GALNTL6: variants seen among roughly 807,000 people sequenced by gnomAD.
The protein encoded by GALNTL6 is polypeptide N-acetylgalactosaminyltransferase like 6.
In GALNTL6, 46 loss-of-function variants were observed where a neutral mutation model predicts 73.7. The observed-to-expected ratio is 0.62, with a 90% confidence interval of 0.49 to 0.80. The LOEUF is 0.80. Ranked by LOEUF, GALNTL6 falls within the 30% of genes least tolerant of loss-of-function variation. The pLI is 0.00. For missense variants in GALNTL6, 604 were observed against 755.0 expected, an observed-to-expected ratio of 0.80 and a Z score of 2.34; for synonymous variants, 259 against 263.7, an observed-to-expected ratio of 0.98 and a Z score of 0.17.
intron 10 of GALNTL6, among the ~76,000 whole-genome samples, chr4:173,001,204 C>T (rs911036890): frequency 2.0e-5 from 3 of 152,156 alleles, no homozygotes; most frequent in African/African-American, 4.8e-5. Flanking sequence ...AACCAACCTG[C>T]AAACACCTTG....
chr4:172,973,229 C>T, intron 10 of GALNTL6, among the ~76,000 whole-genome samples: 1 of 152,178 alleles, frequency 6.6e-6, no homozygotes, highest in Non-Finnish European at 1.5e-5. Flanking sequence ...CACCTAAACC[C>T]ACTGATCAAT....
chr4:172,529,831 G>A (rs13102949), intron 5 of GALNTL6, among the ~76,000 whole-genome samples: 31,050 of 150,094 alleles, frequency 0.21, 3,478 homozygotes, highest in African/African-American at 0.28. Flanking sequence ...GATTACAGGC[G>A]TGCACCACCA....
chr4:172,546,544 T>A (rs1204370845), intron 5 of GALNTL6, among the ~76,000 whole-genome samples: 1 of 150,360 alleles, frequency 6.7e-6, no homozygotes, highest in Non-Finnish European at 1.5e-5. Flanking sequence ...GGACTTAGAG[T>A]AGCCATGATT....
At chr4:171,923,806 G>A (rs1737880633) in intron 2 of GALNTL6, among the ~76,000 whole-genome samples, 1 of 150,914 alleles carries the variant, frequency 6.6e-6, no homozygotes, top group Non-Finnish European at 1.5e-5. Context: ...GTGTGTGTGT[G>A]TGTGTGTGTG....
In GALNTL6 at chr4:172,902,670, C is replaced by A. The variant is rs1222205970; in HGVS notation, c.1041+19763C>A. On this transcript the variant is annotated intron_variant, in intron 8 of 12. Coordinates refer to ENST00000506823, the MANE Select transcript of GALNTL6 (RefSeq NM_001034845.3). ...TCTAACAAACTCGGGAGCCCTACAGCCTCTTGCAAAACCATTCTAATGAAT... is the reference window on the plus strand; with the variant it reads ...TCTAACAAACTCGGGAGCCCTACAGACTCTTGCAAAACCATTCTAATGAAT... 2.0e-5 allele frequency among the ~76,000 whole-genome samples: 3 copies of A among 152,286 alleles called. No homozygotes were observed. The East Asian group carries it at 5.8e-4, about 29-fold the overall frequency.
rs571502567 is a variant in GALNTL6, at chr4:172,177,725, G to GTA, written c.139-51920_139-51919dup. Among the ~76,000 whole-genome samples the GTA allele has an allele frequency of 4.6e-3, 441 of 94,880 alleles. 2 individuals carry two copies. The highest frequency in any genetic ancestry group is 0.013 in the African/African-American group (322 of 24,584). 62.2% of individuals were successfully genotyped at this position (94,880 alleles called of 152,430 possible). A position where few individuals can be genotyped will look rare whatever the true frequency, so the allele number is the denominator to read the frequency against. On this transcript the variant is annotated intron_variant, in intron 2 of 12. Coordinates refer to ENST00000506823, the MANE Select transcript of GALNTL6 (RefSeq NM_001034845.3). ...ATATATATGTTTACTTAGTATGTGT[G>GTA]TATATATATATACACATGTGTATAT...
chr4:172,672,257 A>G (rs1166397706), intron 5 of GALNTL6, among the ~76,000 whole-genome samples: 2 of 152,206 alleles, frequency 1.3e-5, no homozygotes, highest in East Asian at 3.8e-4. Context: ...TTCTCCTTCG[A>G]TTGAGATAAT....
At chr4:172,318,366 A>C (rs193243049) in intron 4 of GALNTL6, among the ~76,000 whole-genome samples, 15 of 152,304 alleles carry the variant, frequency 9.8e-5, no homozygotes, top group Admixed American at 9.8e-4. Flanking sequence ...GTCAGACATT[A>C]ACCTTTTGGA....
rs1379786839 is a variant in GALNTL6 at position 172,606,562 on chromosome 4, T to TAC, written c.554-202798_554-202797insCA. The stretch of plus-strand genomic sequence containing the variant: ...TAAGAAGGAAGTGTATATATATATA[T>TAC]ATACATATACATAGTATATGTATAT... On this transcript the variant is annotated intron_variant, in intron 5 of 12. Transcript: ENST00000506823. 1.2e-4 allele frequency among the ~76,000 whole-genome samples: 15 copies of TAC among 129,506 alleles called. No homozygotes were observed. The East Asian group carries it at 1.6e-3, about 14-fold the overall frequency. The allele number at this position is 129,506 out of a possible 152,430, so 85.0% of individuals were successfully genotyped here. A position where few individuals can be genotyped will look rare whatever the true frequency, so the allele number is the denominator to read the frequency against.
chr4:172,937,340 G>A (rs1051877706), intron 9 of GALNTL6, among the ~76,000 whole-genome samples: 28 of 152,084 alleles, frequency 1.8e-4, no homozygotes, highest in Admixed American at 1.5e-3. Flanking sequence ...TGTGCACGGA[G>A]GTGGGGCTCA....
At chr4:172,779,997 A>G (rs10866359) in intron 5 of GALNTL6, among the ~76,000 whole-genome samples, 78,403 of 151,492 alleles carry the variant, frequency 0.52, 20,983 homozygotes, top group East Asian at 0.77. Context: ...CCATTACTTC[A>G]CTACATAATG....
chr4:172,177,731 AT>A (rs2110840290), intron 2 of GALNTL6, among the ~76,000 whole-genome samples: 1 of 146,548 alleles, frequency 6.8e-6, no homozygotes, highest in South Asian at 2.1e-4. Context: ...GTGTGTATAT[AT>A]ATATACACAT....
intron 2 of GALNTL6, among the ~76,000 whole-genome samples, chr4:172,006,082 C>T (rs536317280): frequency 1.3e-5 from 2 of 152,184 alleles, no homozygotes; most frequent in Non-Finnish European, 2.9e-5. Flanking sequence ...CTTTCTGCAA[C>T]ACCTTGAATT....
intron 2 of GALNTL6, among the ~76,000 whole-genome samples, chr4:172,193,878 G>A (rs879786835): frequency 1.3e-5 from 2 of 151,868 alleles, no homozygotes; most frequent in Admixed American, 6.6e-5. Context: ...GAAAAGAAAA[G>A]AGAAATAATC....
chr4:172,285,680 C>T (rs1036918583), intron 3 of GALNTL6, among the ~76,000 whole-genome samples: 24 of 152,136 alleles, frequency 1.6e-4, no homozygotes, highest in African/African-American at 2.4e-4. Flanking sequence ...ACCCAGCCTC[C>T]GCAGTTTCTA....
chr4:172,098,014 C>G (rs761598069), intron 2 of GALNTL6, among the ~76,000 whole-genome samples: 1 of 151,790 alleles, frequency 6.6e-6, no homozygotes, highest in Non-Finnish European at 1.5e-5. Context: ...ATGGACATGA[C>G]AGTAAGCATT....
In GALNTL6 at chr4:172,910,058, G is replaced by A. The variant is rs1747117006; in HGVS notation, c.1042-21103G>A. Among the ~76,000 whole-genome samples, 2 of 150,820 alleles carry A rather than the reference G, an allele frequency of 1.3e-5. 1 individual carries two copies. The highest frequency in any genetic ancestry group is 4.2e-4 in the South Asian group (2 of 4,776). ...CAACTGTGCAAAAATTAAAATGAAG[G>A]GAATACAAATGTTTTTATTTATATT... is the stretch of plus-strand genomic sequence containing the variant. On this transcript the variant is annotated intron_variant, in intron 8 of 12. Transcript: ENST00000506823.
intron 2 of GALNTL6, among the ~76,000 whole-genome samples, chr4:172,166,117 A>G (rs960173051): frequency 2.6e-5 from 4 of 152,248 alleles, no homozygotes; most frequent in African/African-American, 9.6e-5. Context: ...CTTGAGCATG[A>G]AAATAGAGGA....
At chr4:172,347,722 A>G (rs1394715826) in intron 4 of GALNTL6, among the ~76,000 whole-genome samples, 5 of 152,166 alleles carry the variant, frequency 3.3e-5, no homozygotes, top group Admixed American at 2.6e-4. Context: ...TGCCCATATC[A>G]TTATAATTTT....
Sources: gnomAD v4.1 joint callset for allele counts (sites outside exome capture counted in the v4.1 genomes callset) on GRCh38, gnomAD v4.1.1 for gene constraint, MANE v1.5 for transcripts, NCBI Gene and HGNC (gene_info 2026-07-23, HGNC 2026-07-21) for gene names.